TBX15: variants seen among roughly 807,000 people sequenced by gnomAD.
TBX15 encodes T-box transcription factor 15.
TBX15 carries 18 observed loss-of-function variants against 53.9 expected under a neutral mutation model. The ratio of observed to expected loss-of-function variants is 0.33; its 90% CI spans 0.23 to 0.49. The LOEUF is 0.49. TBX15 is among the 20% of genes least tolerant of loss of function. TBX15 has a pLI of 0.98. For missense variants in TBX15, 692 were observed against 749.5 expected (o/e 0.92, Z 0.90); for synonymous variants, 295 against 278.0 (o/e 1.06, Z -0.61).
chr1:118,931,634 A>G lies in TBX15; in HGVS notation c.404T>C (p.Ile135Thr). 1 of 1,614,064 alleles carries G rather than the reference A, an allele frequency of 6.2e-7. No homozygotes were observed. The highest frequency in any genetic ancestry group is 8.5e-7 in the Non-Finnish European group (1 of 1,179,952). The change falls in exon 2 of 8, where the codon ATC becomes ACC. Residue 135 changes from isoleucine (I) to threonine (T), a missense_variant. By Grantham distance (89) the Ile-to-Thr change is moderately conservative (BLOSUM62 -1). Coordinates refer to ENST00000369429, the MANE Select transcript of TBX15 (RefSeq NM_001330677.2). ...RFHDIGTEMI[I>T]TKAGRRMFPA... ...TTGTCCTTACCTGCCTGCTTTGGTG[A>G]TGATCATTTCAGTTCCAATATCATG...
chr1:118,949,263 C>T (rs1656441168), intron 1 of TBX15, among the ~76,000 whole-genome samples: 1 of 152,178 alleles, frequency 6.6e-6, no homozygotes, highest in African/African-American at 2.4e-5. Flanking sequence ...CTCTTACATG[C>T]TTTCAGGAAA....
intron 6 of TBX15, among the ~76,000 whole-genome samples, chr1:118,902,558 G>T (rs1654666611): frequency 6.6e-6 from 1 of 152,186 alleles, no homozygotes; most frequent in Non-Finnish European, 1.5e-5. Flanking sequence ...ACACAACTTG[G>T]TGTAAAATAA....
rs536305821 is a variant in TBX15 at position 118,969,893 on chromosome 1, C to T, written c.205+17698G>A. ...CTTTGATATACTTTGGCTCTATGTT[C>T]CCACCCAAATGTCATGTTGTTTTGT... On this transcript the variant is annotated intron_variant, in intron 1 of 7. Transcript: ENST00000369429. 3.2e-3 allele frequency among the ~76,000 whole-genome samples: 490 copies of T among 152,310 alleles called. 2 individuals are homozygous for T. The highest frequency in any genetic ancestry group is 4.6e-3 in the Non-Finnish European group (312 of 68,032).
chr1:118,903,292 A>G (rs1654697572), intron 6 of TBX15, among the ~76,000 whole-genome samples: 1 of 152,184 alleles, frequency 6.6e-6, no homozygotes, highest in African/African-American at 2.4e-5. Flanking sequence ...CAAATTGATG[A>G]TGGCTTGAAA....
intron 1 of TBX15, among the ~76,000 whole-genome samples, chr1:118,956,429 C>A (rs937690937): frequency 3.3e-5 from 5 of 151,982 alleles, no homozygotes; most frequent in Non-Finnish European, 7.4e-5. Context: ...TATACAAAAA[C>A]ACACACAGAG....
Position 118,988,304 on chromosome 1 carries a change from C to G in TBX15, c.-509G>C, listed in dbSNP as rs1037033667. ...CCCTTCCCGAGGAACAGGGGGCAGGCGGTGCGCTCCTGTCCGAGGGGTGAG... is the reference window on the plus strand; with the variant it reads ...CCCTTCCCGAGGAACAGGGGGCAGGGGGTGCGCTCCTGTCCGAGGGGTGAG... On this transcript the variant is annotated 5_prime_UTR_variant, in exon 1 of 8. Transcript: ENST00000369429. 1 of 154,760 alleles carries G rather than the reference C, an allele frequency of 6.5e-6. No homozygotes were observed. Among genetic ancestry groups the G allele is most frequent in the African/African-American group, 2.4e-5 (1 of 41,364 alleles). The allele number at this position is 154,760 out of a possible 1,614,324, so 9.6% of individuals were successfully genotyped here.
intron 7 of TBX15, among the ~76,000 whole-genome samples, chr1:118,887,499 A>G (rs928653087): frequency 6.6e-6 from 1 of 152,046 alleles, no homozygotes; most frequent in African/African-American, 2.4e-5. Flanking sequence ...ACATGGTGAA[A>G]CCCCGTCTCT....
intron 7 of TBX15, among the ~76,000 whole-genome samples, chr1:118,895,865 G>A (rs913688970): frequency 1.3e-5 from 2 of 152,142 alleles, no homozygotes; most frequent in African/African-American, 4.8e-5. Flanking sequence ...TAGTAAGAAA[G>A]AATAAGAAAA....
chr1:118,931,557 T>C (rs1049716085), intron 2 of TBX15, 62 bp downstream of exon 2: 5 of 1,564,490 alleles, frequency 3.2e-6, no homozygotes, highest in African/African-American at 1.3e-5. Context: ...AATGGAAGAA[T>C]GTAATGGCTC....
chr1:118,937,024 GT>G (rs1655993831), intron 1 of TBX15, among the ~76,000 whole-genome samples: 2 of 152,320 alleles, frequency 1.3e-5, no homozygotes, highest in South Asian at 4.1e-4. Flanking sequence ...GCCTGCAGAG[GT>G]GGGGAAAATT....
At position 118,933,074 on chromosome 1, in the gene TBX15, A is replaced by G. The variant is rs530474357; in HGVS notation, c.206-1242T>C. Among the ~76,000 whole-genome samples, 4 of 152,308 alleles carry G rather than the reference A, an allele frequency of 2.6e-5. No individual in the cohort carries two copies. In the South Asian group the frequency reaches 8.3e-4, roughly 32 times the overall value. On this transcript the variant is annotated intron_variant, in intron 1 of 7. Transcript: ENST00000369429. ...CTAGTAAGATGGAAAAGAATGGGAC[A>G]GAATGCCCAATCACGTTGCTGCCAA...
In TBX15 at chr1:118,987,922, T is replaced by A; in HGVS notation, c.-127A>T. Reference sequence around the variant, plus strand: ...GAGGCGCGTCGGACGAGGCTGAGACTGCGGCTCGCGGGTCTCTCCACCCTC... The same window carrying A: ...GAGGCGCGTCGGACGAGGCTGAGACAGCGGCTCGCGGGTCTCTCCACCCTC... On this transcript the variant is annotated 5_prime_UTR_variant, in exon 1 of 8. Transcript: ENST00000369429. 4 of 1,211,502 alleles carry A rather than the reference T, an allele frequency of 3.3e-6. No individual in the cohort carries two copies. The highest frequency in any genetic ancestry group is 2.3e-5 in the Admixed American group (1 of 42,726). The allele number at this position is 1,211,502 out of a possible 1,614,324, so 75.0% of individuals were successfully genotyped here. A position where few individuals can be genotyped will look rare whatever the true frequency, so the allele number is the denominator to read the frequency against.
At chr1:118,893,348 GGAAGGAAGGAAA>G (rs1247463871) in intron 7 of TBX15, among the ~76,000 whole-genome samples, 2 of 60,984 alleles carry the variant, frequency 3.3e-5, no homozygotes, top group African/African-American at 2.1e-4. Context: ...AAGGAAGGAA[GGAAGGAAGGAAA>G]GAAAGAAAGA....
At chr1:118,926,923 ACCATATTAGCCAGGCTGAT>A (rs1419807470) in intron 2 of TBX15, among the ~76,000 whole-genome samples, 1 of 151,530 alleles carries the variant, frequency 6.6e-6, no homozygotes, top group African/African-American at 2.4e-5. Flanking sequence ...ATGGGGTTTC[ACCATATTAGCCAGGCTGAT>A]CTCGAACTCC....
At chr1:118,971,041 T>C (rs1300900124) in intron 1 of TBX15, among the ~76,000 whole-genome samples, 1 of 152,220 alleles carries the variant, frequency 6.6e-6, no homozygotes. Context: ...CAGATTGCTT[T>C]TTATTCTATT....
At chr1:118,908,762 T>A (rs561011110) in intron 6 of TBX15, among the ~76,000 whole-genome samples, 47 of 149,480 alleles carry the variant, frequency 3.1e-4, no homozygotes, top group East Asian at 2.1e-3. Context: ...TCTCTCTCTC[T>A]CACACACACA....
At chr1:118,890,023 G>A (rs975224099) in intron 7 of TBX15, among the ~76,000 whole-genome samples, 1 of 152,272 alleles carries the variant, frequency 6.6e-6, no homozygotes, top group Admixed American at 6.5e-5. Flanking sequence ...ATGGCTCTGC[G>A]GTGTTGGCCT....
At chr1:118,897,165 G>A (rs1419582155) in intron 7 of TBX15, among the ~76,000 whole-genome samples, 2 of 152,276 alleles carry the variant, frequency 1.3e-5, no homozygotes, top group African/African-American at 4.8e-5. Context: ...ACCCATGCAA[G>A]CTTCCTGTGT....
rs560969647 is a variant in TBX15, at chr1:118,888,859, C to T, written c.1025-3343G>A. On this transcript the variant is annotated intron_variant, in intron 7 of 7. Transcript: ENST00000369429. ...CTCTAAATGGTTTTCTCTGATGGCC[C>T]AAGATGGAAGGAATGGTACTGATTT... Among the ~76,000 whole-genome samples the T allele has an allele frequency of 1.1e-4, 16 of 151,266 alleles. No homozygotes were observed. The South Asian group carries it at 2.9e-3, about 28-fold the overall frequency.
Sources: allele counts gnomAD v4.1 joint callset (sites outside exome capture counted in the v4.1 genomes callset), GRCh38; gene constraint gnomAD v4.1.1; transcripts MANE v1.5; gene names NCBI Gene and HGNC (gene_info 2026-07-23, HGNC 2026-07-21).